BRD1: variants seen among roughly 807,000 people sequenced by gnomAD.
BRD1 encodes bromodomain containing 1.
In BRD1, 24 loss-of-function variants were observed where a neutral mutation model predicts 107.7. That is an observed-to-expected ratio of 0.22 (90% CI 0.16 to 0.31). The LOEUF (loss-of-function observed/expected upper bound fraction) is 0.31. Ranked by LOEUF, BRD1 falls within the 10% of genes least tolerant of loss-of-function variation. The pLI is 1.00. For synonymous variants in BRD1, 744 were observed against 686.1 expected, an observed-to-expected ratio of 1.08 and a Z score of -1.32; for missense variants, 1,279 against 1,638.6, an observed-to-expected ratio of 0.78 and a Z score of 3.79.
chr22:49,801,004 C>T (rs2059630506), intron 3 of BRD1, among the ~76,000 whole-genome samples: 1 of 152,234 alleles, frequency 6.6e-6, no homozygotes, highest in South Asian at 2.1e-4. Flanking sequence ...CTCCTGGCAA[C>T]AGCACCCAGC....
intron 6 of BRD1, among the ~76,000 whole-genome samples, chr22:49,795,256 AAC>A (rs2059508899): frequency 6.6e-6 from 1 of 152,248 alleles, no homozygotes; most frequent in Non-Finnish European, 1.5e-5. Context: ...TTTCTTTCAA[AAC>A]AGAGACCCAC....
chr22:49,800,955 G>A (rs1421500668), intron 3 of BRD1, among the ~76,000 whole-genome samples: 1 of 152,230 alleles, frequency 6.6e-6, no homozygotes, highest in Non-Finnish European at 1.5e-5. Context: ...AGCTCCTGGG[G>A]TGAGGGCCCA....
intron 2 of BRD1, among the ~76,000 whole-genome samples, chr22:49,819,368 G>T (rs549830178): frequency 2.6e-5 from 4 of 152,148 alleles, no homozygotes; most frequent in South Asian, 2.1e-4. Context: ...GAGGCAGGCA[G>T]ATTGCTTGAC....
chr22:49,775,815 ACCCC>A (rs758380473), intron 11 of BRD1, 70 bp from the exon 12 acceptor site: 34,832 of 1,142,558 alleles, frequency 0.03, 1,397 homozygotes, highest in African/African-American at 0.21. Context: ...TGTCACTGGC[ACCCC>A]CCCCCGCCTC....
intron 2 of BRD1, chr22:49,806,930 G>A (rs983757922): frequency 2.6e-5 from 4 of 152,042 alleles, no homozygotes; most frequent in East Asian, 1.9e-4. Context: ...CCCGGGAAGC[G>A]GACGTTGCAA....
chr22:49,775,769 G>T (rs777586808), intron 11 of BRD1, 24 bp from the exon 12 acceptor site: 99 of 1,563,210 alleles, frequency 6.3e-5, no homozygotes, highest in Non-Finnish European at 1.9e-5. Flanking sequence ...ACCCGCTGAG[G>T]TCATTGTGAG....
At chr22:49,793,774 T>G (rs1033342469) in intron 7 of BRD1, among the ~76,000 whole-genome samples, 1 of 152,212 alleles carries the variant, frequency 6.6e-6, no homozygotes, top group African/African-American at 2.4e-5. Flanking sequence ...AAGAGAAAAA[T>G]TTTATTCTGT....
intron 7 of BRD1, among the ~76,000 whole-genome samples, chr22:49,789,585 CCA>C (rs1020772429): frequency 2.0e-5 from 3 of 152,126 alleles, no homozygotes; most frequent in African/African-American, 7.2e-5. Flanking sequence ...GTGGTCAACC[CCA>C]GTCTTGGCCT....
intron 2 of BRD1, 131 bp downstream of exon 2, chr22:49,822,820 G>A: frequency 9.5e-7 from 1 of 1,051,714 alleles, no homozygotes; most frequent in Non-Finnish European, 1.4e-6. Context: ...CACACTTCAG[G>A]GGAATATTAG....
In BRD1 at chr22:49,827,606, G is replaced by A. The variant is rs2060160388; in HGVS notation, c.-124C>T. On this transcript the variant is annotated 5_prime_UTR_variant, in exon 1 of 13. Transcript: ENST00000404760. ...GGCTCCTCCGCCAACGGCCGCGCAG[G>A]CCGGGCCCCGCCGCCGCTCCTGGGC... is the stretch of plus-strand genomic sequence containing the variant. 1 of 145,186 alleles carries A rather than the reference G, an allele frequency of 6.9e-6. No homozygotes were observed. The highest frequency in any genetic ancestry group is 2.5e-5 in the African/African-American group (1 of 40,500). The allele number at this position is 145,186 out of a possible 1,614,324, so 9.0% of individuals were successfully genotyped here. A position where few individuals can be genotyped will look rare whatever the true frequency, so the allele number is the denominator to read the frequency against.
intron 8 of BRD1, among the ~76,000 whole-genome samples, chr22:49,779,118 G>C (rs1011989366): frequency 5.9e-5 from 9 of 152,076 alleles, no homozygotes; most frequent in African/African-American, 2.2e-4. Context: ...CTGTCACCAA[G>C]GATGGAGTGC....
In BRD1 at chr22:49,777,107, C is replaced by T. The variant is rs1049855559; in HGVS notation, c.3048G>A (p.Thr1016=). 13 of 1,613,360 alleles carry T rather than the reference C, an allele frequency of 8.1e-6. No individual in the cohort carries two copies. Among genetic ancestry groups the T allele is most frequent in the African/African-American group, 4.0e-5 (3 of 75,076 alleles). The change falls in exon 10 of 13, where the codon ACG becomes ACA. Residue 1016 remains threonine (T), a synonymous_variant. Coordinates refer to ENST00000404760, the MANE Select transcript of BRD1 (RefSeq NM_001304808.3). ...RGKPALVRRH[T]LEDRSELISC... ...AGATCAGCTCACTGCGGTCCTCCAGCGTGTGCCGTCGCACAAGAGCCGGTT... is the reference window on the plus strand; with the variant it reads ...AGATCAGCTCACTGCGGTCCTCCAGTGTGTGCCGTCGCACAAGAGCCGGTT...
chr22:49,820,563 G>A (rs79145354), intron 2 of BRD1, among the ~76,000 whole-genome samples: 2 of 152,140 alleles, frequency 1.3e-5, no homozygotes, highest in Non-Finnish European at 1.5e-5. Flanking sequence ...CCATGATCAC[G>A]CCACTGCACT....
At chr22:49,807,811 G>A (rs1278601594) in intron 2 of BRD1, among the ~76,000 whole-genome samples, 1 of 152,132 alleles carries the variant, frequency 6.6e-6, no homozygotes, top group East Asian at 1.9e-4. Context: ...AGAGTGAATG[G>A]GAGGAAATAT....
chr22:49,796,643 C>A (rs2059537719), intron 6 of BRD1, among the ~76,000 whole-genome samples: 1 of 152,250 alleles, frequency 6.6e-6, no homozygotes, highest in Admixed American at 6.5e-5. Flanking sequence ...CAGGCATGAG[C>A]CACAGAACCT....
intron 6 of BRD1, among the ~76,000 whole-genome samples, chr22:49,796,860 C>T (rs991544171): frequency 6.6e-6 from 1 of 150,892 alleles, no homozygotes; most frequent in African/African-American, 2.4e-5. Context: ...CCCGCGATGG[C>T]GGGAACGTGG....
At chr22:49,805,479 C>G (rs2059723442) in intron 2 of BRD1, 1 of 152,350 alleles carries the variant, frequency 6.6e-6, no homozygotes, top group Admixed American at 6.5e-5. Flanking sequence ...GCTCAGGACA[C>G]CAAACGCCTG....
chr22:49,777,335 G>A (rs1001011321), intron 9 of BRD1, among the ~76,000 whole-genome samples, 174 bp from the exon 10 acceptor site: 2 of 152,256 alleles, frequency 1.3e-5, no homozygotes, highest in African/African-American at 4.8e-5. Flanking sequence ...TGTGGCAGGG[G>A]GGACTCAGGA....
intron 8 of BRD1, among the ~76,000 whole-genome samples, chr22:49,781,878 C>G (rs945779260): frequency 5.9e-5 from 9 of 152,226 alleles, no homozygotes; most frequent in Admixed American, 3.3e-4. Flanking sequence ...TTGCTGGGAC[C>G]TGCTCCGTGA....
Sources: gnomAD v4.1 joint callset for allele counts (sites outside exome capture counted in the v4.1 genomes callset) on GRCh38, gnomAD v4.1.1 for gene constraint, MANE v1.5 for transcripts, NCBI Gene and HGNC (gene_info 2026-07-23, HGNC 2026-07-21) for gene names.